Variants in NCKAP1L observed in about 807,000 individuals in gnomAD.
NCKAP1L encodes NCK associated protein 1 like, also known as nck-associated protein 1-like.
A neutral mutation model predicts 139.2 loss-of-function variants in NCKAP1L; 53 were observed. The ratio of observed to expected loss-of-function variants is 0.38; its 90% CI spans 0.31 to 0.48. The LOEUF (loss-of-function observed/expected upper bound fraction) is 0.48. Among genes scored for constraint, NCKAP1L ranks in the 20% least tolerant of loss-of-function variants. The probability of loss-of-function intolerance (pLI) is 0.98; values close to 1 mark genes in which losing one functional copy is unlikely to be tolerated. For synonymous variants in NCKAP1L, 468 were observed against 499.7 expected (o/e 0.94, Z 0.85); for missense variants, 1,151 against 1,381.9 (o/e 0.83, Z 2.65).
chr12:54,542,780 G>GT lies in NCKAP1L; in HGVS notation c.*96dup. Reference sequence around the variant, plus strand: ...CACTTTCGCAGGGGGTGGGAATGGGGTGGGGTCACTAAGGAGAGAGGGTCA... The same window carrying GT: ...CACTTTCGCAGGGGGTGGGAATGGGGTTGGGGTCACTAAGGAGAGAGGGTCA... On this transcript the variant is annotated 3_prime_UTR_variant, in exon 31 of 31. Coordinates refer to ENST00000293373, the MANE Select transcript of NCKAP1L (RefSeq NM_005337.5). The GT allele has an allele frequency of 1.5e-6, 1 of 666,988 alleles. No individual in the cohort carries two copies. Among genetic ancestry groups the GT allele is most frequent in the East Asian group, 3.3e-5 (1 of 30,568 alleles). The allele number at this position is 666,988 out of a possible 1,614,324, so 41.3% of individuals were successfully genotyped here. A position where few individuals can be genotyped will look rare whatever the true frequency, so the allele number is the denominator to read the frequency against.
intron 28 of NCKAP1L, 104 bp from the exon 29 acceptor site, chr12:54,536,840 G>A (rs1957117144): frequency 2.8e-6 from 2 of 704,578 alleles, no homozygotes; most frequent in Admixed American, 4.6e-5. Flanking sequence ...AAATACTGGT[G>A]GCTCAGCCTG....
Position 54,499,210 on chromosome 12 carries a change from C to A in NCKAP1L, c.103-145C>A, listed in dbSNP as rs562777540. 7.5e-5 allele frequency: 42 copies of A among 559,542 alleles called. No individual in the cohort carries two copies. The African/African-American group carries it at 7.5e-4, about 10-fold the overall frequency. 34.7% of individuals were successfully genotyped at this position (559,542 alleles called of 1,614,324 possible). The stretch of plus-strand genomic sequence containing the variant: ...AAGTGCTGGGATTACAGGTGTGAGC[C>A]GCTGCGCCCAGCCTCTCATGCTTTT... On this transcript the variant is annotated intron_variant, in intron 1 of 30. Coordinates refer to ENST00000293373, the MANE Select transcript of NCKAP1L (RefSeq NM_005337.5).
At chr12:54,513,055 G>A (rs1473570471) in intron 9 of NCKAP1L, among the ~76,000 whole-genome samples, 3 of 152,178 alleles carry the variant, frequency 2.0e-5, no homozygotes, top group African/African-American at 7.2e-5. Flanking sequence ...ATCCCAAAGA[G>A]GATGGGGAAC....
rs2120988138 is a variant in NCKAP1L at position 54,543,342 on chromosome 12, G to A, written c.*657G>A. 6.6e-6 allele frequency: 1 copy of A among 152,288 alleles called. No homozygotes were observed. 9.4% of individuals were successfully genotyped at this position (152,288 alleles called of 1,614,324 possible). A position where few individuals can be genotyped will look rare whatever the true frequency, so the allele number is the denominator to read the frequency against. On this transcript the variant is annotated 3_prime_UTR_variant, in exon 31 of 31. Transcript: ENST00000293373. ...GAAGTGCCCTTCAGAGATGTTCACT[G>A]CCCACCTACTCTACTACATTGTTTG...
chr12:54,539,042 G>A, intron 30 of NCKAP1L, 69 bp downstream of exon 30: 1 of 1,358,882 alleles, frequency 7.4e-7, no homozygotes, highest in Non-Finnish European at 1.0e-6. Context: ...TCTGTTTAGG[G>A]TCTTTGCATC....
intron 7 of NCKAP1L, among the ~76,000 whole-genome samples, chr12:54,510,676 ATTTTTTT>A (rs59196940): frequency 2.2e-5 from 3 of 138,876 alleles, no homozygotes; most frequent in Non-Finnish European, 3.2e-5. Flanking sequence ...CACCTGGGTA[ATTTTTTT>A]TTTTTTTTTT....
At chr12:54,519,422 T>A in intron 16 of NCKAP1L, 90 bp downstream of exon 16, 1 of 1,065,804 alleles carries the variant, frequency 9.4e-7, no homozygotes, top group Non-Finnish European at 1.2e-6. Flanking sequence ...TCAAAGAATT[T>A]TGTTTAATTT....
intron 17 of NCKAP1L, 145 bp from the exon 18 acceptor site, chr12:54,520,974 C>T: frequency 1.3e-6 from 2 of 1,484,794 alleles, no homozygotes; most frequent in Non-Finnish European, 1.9e-6. Flanking sequence ...CTTGATGTAT[C>T]CTGTCTCTGG....
At position 54,507,850 on chromosome 12, in the gene NCKAP1L, C is replaced by CT. The variant is rs1243548764; in HGVS notation, c.307-3_307-2insT. 6.2e-7 allele frequency: 1 copy of CT among 1,613,526 alleles called. No homozygotes were observed. Among genetic ancestry groups the CT allele is most frequent in the African/African-American group, 1.3e-5 (1 of 74,900 alleles). The stretch of plus-strand genomic sequence containing the variant: ...TAATTCTTGTCTTCACTTCCACCCC[C>CT]AGGATCATGTATATGAACTTCTCAA... On this transcript the variant is annotated splice_region_variant and splice_polypyrimidine_tract_variant and intron_variant, in intron 3 of 30. Transcript: ENST00000293373.
chr12:54,531,214 C>T, intron 22 of NCKAP1L, 46 bp from the exon 23 acceptor site: 1 of 1,375,148 alleles, frequency 7.3e-7, no homozygotes, highest in South Asian at 1.2e-5. Context: ...ACAAATACTC[C>T]AGTGCCTTCT....
chr12:54,537,038 C>T lies in NCKAP1L; in HGVS notation c.3168C>T (p.Leu1056=). 1 of 1,610,190 alleles carries T rather than the reference C, an allele frequency of 6.2e-7. No individual in the cohort carries two copies. Among genetic ancestry groups the T allele is most frequent in the Non-Finnish European group, 8.5e-7 (1 of 1,176,688 alleles). The stretch of plus-strand genomic sequence containing the variant: ...ACAACAAGAACATTGAAACTCACCT[C>T]AAGGAATTTCTGGTGGTGAGTGGGT... ...TLYNKNIETH[L]KEFLVVASVS... is the part of the protein sequence containing the mutation. The change falls in exon 29 of 31, where the codon CTC becomes CTT. Residue 1056 remains leucine, a synonymous_variant. Transcript: ENST00000293373.
intron 25 of NCKAP1L, 133 bp from the exon 26 acceptor site, chr12:54,532,037 G>A: frequency 1.3e-6 from 1 of 788,228 alleles, no homozygotes; most frequent in Admixed American, 2.9e-5. Context: ...CATAAGGAGA[G>A]GGATGGCTTG....
intron 25 of NCKAP1L, 95 bp downstream of exon 25, chr12:54,531,920 T>G (rs1957075051): frequency 9.1e-7 from 1 of 1,101,576 alleles, no homozygotes; most frequent in Non-Finnish European, 1.3e-6. Flanking sequence ...GGAATCAGTT[T>G]TAACTTCTGC....
intron 5 of NCKAP1L, among the ~76,000 whole-genome samples, chr12:54,509,110 A>C (rs1310438195): frequency 6.6e-6 from 1 of 152,224 alleles, no homozygotes; most frequent in Non-Finnish European, 1.5e-5. Context: ...CTAATGCGTG[A>C]TAATACATTT....
At position 54,526,579 on chromosome 12, in the gene NCKAP1L, G is replaced by A; in HGVS notation, c.2208G>A (p.Arg736=). The change falls in exon 21 of 31, where the codon CGG becomes CGA. Residue 736 remains arginine, a synonymous_variant. Coordinates refer to ENST00000293373, the MANE Select transcript of NCKAP1L (RefSeq NM_005337.5). ...ATGCCACGACCCAGGAGATCGTACG[G>A]CCTTCTGAGCTGTTGGCAGGAGTCA... is the stretch of plus-strand genomic sequence containing the variant. ...GYNATTQEIV[R]PSELLAGVKA... is the part of the protein sequence containing the mutation. 1 of 1,614,028 alleles carries A rather than the reference G, an allele frequency of 6.2e-7. No individual in the cohort carries two copies. Among genetic ancestry groups the A allele is most frequent in the Non-Finnish European group, 8.5e-7 (1 of 1,180,016 alleles).
At position 54,542,724 on chromosome 12, in the gene NCKAP1L, C is replaced by T. The variant is rs1310017010; in HGVS notation, c.*39C>T. 1.4e-6 allele frequency: 2 copies of T among 1,444,742 alleles called. No homozygotes were observed. The highest frequency in any genetic ancestry group is 1.9e-6 in the Non-Finnish European group (2 of 1,027,696). The allele number at this position is 1,444,742 out of a possible 1,614,324, so 89.5% of individuals were successfully genotyped here. ...CCCACTGAAGAGCCCTTTGGACCTT[C>T]CTAAACCCTTGCCATAGTGGAAGCT... On this transcript the variant is annotated 3_prime_UTR_variant, in exon 31 of 31. Coordinates refer to ENST00000293373, the MANE Select transcript of NCKAP1L (RefSeq NM_005337.5).
Position 54,518,871 on chromosome 12 carries a change from G to A in NCKAP1L, c.1421-43G>A, listed in dbSNP as rs372098452. The A allele has an allele frequency of 7.9e-5, 123 of 1,555,670 alleles. 1 individual carries two copies. The highest frequency in any genetic ancestry group is 5.3e-4 in the South Asian group (48 of 89,904). On this transcript the variant is annotated intron_variant, in intron 14 of 30. Coordinates refer to ENST00000293373, the MANE Select transcript of NCKAP1L (RefSeq NM_005337.5). ...CCATTCTATGTAGTTGGATATTGGT[G>A]TGCTGTTTATTGTTTCCTTTTATAC...
intron 1 of NCKAP1L, 21 bp from the exon 2 acceptor site, chr12:54,499,334 A>G (rs368060986): frequency 1.1e-5 from 14 of 1,295,750 alleles, no homozygotes; most frequent in Non-Finnish European, 1.6e-5. Context: ...GGGTTGAAAT[A>G]TATATGGTTT....
At chr12:54,513,539 T>C (rs749794861) in intron 9 of NCKAP1L, among the ~76,000 whole-genome samples, 3 of 151,990 alleles carry the variant, frequency 2.0e-5, no homozygotes, top group Non-Finnish European at 4.4e-5. Flanking sequence ...CAGTGGGAGA[T>C]ACTGAAAAGA....
Sources: gnomAD v4.1 joint callset for allele counts (sites outside exome capture counted in the v4.1 genomes callset) on GRCh38, gnomAD v4.1.1 for gene constraint, MANE v1.5 for transcripts, NCBI Gene and HGNC (gene_info 2026-07-23, HGNC 2026-07-21) for gene names.